EBF1: variants seen among roughly 807,000 people sequenced by gnomAD.
The protein encoded by EBF1 is EBF transcription factor 1, also known as transcription factor COE1.
EBF1 carries 10 observed loss-of-function variants against 68.4 expected under a neutral mutation model. The observed-to-expected ratio is 0.15, with a 90% confidence interval of 0.09 to 0.25. The LOEUF (loss-of-function observed/expected upper bound fraction) is 0.25, where lower values mean the gene tolerates loss of function less well. Ranked by LOEUF, EBF1 falls within the 10% of genes least tolerant of loss-of-function variation. The pLI, the probability that EBF1 is intolerant of heterozygous loss-of-function variation, is 1.00. For missense variants in EBF1, 509 were observed against 794.4 expected (o/e 0.64, Z 4.32); for synonymous variants, 298 against 299.8 (o/e 0.99, Z 0.06).
intron 8 of EBF1, among the ~76,000 whole-genome samples, chr5:158,809,696 C>A (rs995192186): frequency 5.3e-5 from 8 of 152,144 alleles, no homozygotes; most frequent in Admixed American, 1.3e-4. Flanking sequence ...GAAAATACTG[C>A]CAAACTTCCA....
At chr5:158,785,119 C>T (rs914050990) in intron 9 of EBF1, among the ~76,000 whole-genome samples, 2 of 152,060 alleles carry the variant, frequency 1.3e-5, no homozygotes, top group Non-Finnish European at 2.9e-5. Context: ...GCAGGGGGTA[C>T]TGAGTGATAG....
At chr5:159,063,362 G>A (rs951607856) in intron 6 of EBF1, among the ~76,000 whole-genome samples, 1 of 152,160 alleles carries the variant, frequency 6.6e-6, no homozygotes, top group Non-Finnish European at 1.5e-5. Flanking sequence ...GCCCAAGTTC[G>A]ATACCTCTGG....
chr5:158,852,197 G>T (rs182222714), intron 6 of EBF1, among the ~76,000 whole-genome samples: 1,844 of 151,736 alleles, frequency 0.012, 37 homozygotes, highest in African/African-American at 0.042. Flanking sequence ...TAGACAAAAG[G>T]GATCAGCTGA....
At chr5:158,854,738 G>T (rs1381318421) in intron 6 of EBF1, among the ~76,000 whole-genome samples, 3 of 152,150 alleles carry the variant, frequency 2.0e-5, no homozygotes, top group Admixed American at 6.5e-5. Context: ...CTGTATGAAA[G>T]AAGACGCCAT....
intron 6 of EBF1, among the ~76,000 whole-genome samples, chr5:158,843,497 G>A (rs376630045): frequency 3.9e-5 from 6 of 152,038 alleles, no homozygotes; most frequent in African/African-American, 1.5e-4. Flanking sequence ...ACCCTAAGCT[G>A]GCCTGTCACT....
intron 6 of EBF1, among the ~76,000 whole-genome samples, chr5:158,908,548 G>C (rs1805173072): frequency 6.6e-6 from 1 of 152,044 alleles, no homozygotes; most frequent in African/African-American, 2.4e-5. Context: ...ACCACTCTAG[G>C]TTTTAGAATA....
At chr5:158,944,530 C>A (rs1225822855) in intron 6 of EBF1, among the ~76,000 whole-genome samples, 3 of 152,140 alleles carry the variant, frequency 2.0e-5, no homozygotes, top group Non-Finnish European at 4.4e-5. Context: ...AATAAACATA[C>A]GTGTGCATGT....
intron 6 of EBF1, among the ~76,000 whole-genome samples, chr5:158,953,637 A>G (rs1031758295): frequency 1.2e-4 from 18 of 152,212 alleles, no homozygotes; most frequent in Non-Finnish European, 5.9e-5. Context: ...GTTTGGAAAG[A>G]TAAAATGGTG....
intron 6 of EBF1, among the ~76,000 whole-genome samples, chr5:158,928,462 AT>A (rs1315639103): frequency 1.3e-5 from 2 of 152,172 alleles, no homozygotes; most frequent in East Asian, 3.8e-4. Flanking sequence ...AAAAAAAATA[AT>A]TTTTTGGCAC....
chr5:158,722,956 T>G (rs551476389), intron 11 of EBF1, among the ~76,000 whole-genome samples: 7 of 152,296 alleles, frequency 4.6e-5, no homozygotes, highest in Non-Finnish European at 8.8e-5. Flanking sequence ...AATGAGTAAT[T>G]ATGTTCAATG....
chr5:158,787,642 G>A (rs1477618493), intron 9 of EBF1, among the ~76,000 whole-genome samples: 1 of 152,148 alleles, frequency 6.6e-6, no homozygotes, highest in Non-Finnish European at 1.5e-5. Context: ...ATAATCAGCT[G>A]TGGGACCTTT....
At chr5:158,895,633 T>G (rs1162503176) in intron 6 of EBF1, among the ~76,000 whole-genome samples, 1 of 152,106 alleles carries the variant, frequency 6.6e-6, no homozygotes, top group Non-Finnish European at 1.5e-5. Flanking sequence ...TGGGACACCA[T>G]CAATAAACCA....
chr5:159,090,933 A>G (rs1023401196), intron 4 of EBF1, among the ~76,000 whole-genome samples: 2 of 152,158 alleles, frequency 1.3e-5, no homozygotes, highest in Non-Finnish European at 2.9e-5. Context: ...GCTTCAAGGT[A>G]GGTGCTAACA....
In EBF1 at chr5:158,916,298, A is replaced by T. The variant is rs377721848; in HGVS notation, c.555-76188T>A. On this transcript the variant is annotated intron_variant, in intron 6 of 15. Transcript: ENST00000313708. ...TGATCTTTCAAGATTAATATTAGTC[A>T]TAAGAATGCAGCATTACAGAGGCAC... is the stretch of plus-strand genomic sequence containing the variant. Among the ~76,000 whole-genome samples, 23 of 152,316 alleles carry T rather than the reference A, an allele frequency of 1.5e-4. No individual in the cohort carries two copies. In the East Asian group the frequency reaches 2.3e-3, roughly 15 times the overall value.
intron 11 of EBF1, among the ~76,000 whole-genome samples, chr5:158,727,008 C>T (rs1249113357): frequency 6.6e-6 from 1 of 152,238 alleles, no homozygotes; most frequent in African/African-American, 2.4e-5. Context: ...ATCTCATTAA[C>T]ACCTGACAAC....
In EBF1 at chr5:158,833,032, T is replaced by G. The variant is rs140462216; in HGVS notation, c.636+6997A>C. ...CTTTGCTCAGAACCCTCTCTGGCTC[T>G]TCCCAGGATGGTTTATCCTTATTCT... On this transcript the variant is annotated intron_variant, in intron 7 of 15. Coordinates refer to ENST00000313708, the MANE Select transcript of EBF1 (RefSeq NM_024007.5). Among the ~76,000 whole-genome samples, 380 of 152,286 alleles carry G rather than the reference T, an allele frequency of 2.5e-3. 1 individual carries two copies. Among genetic ancestry groups the G allele is most frequent in the African/African-American group, 8.6e-3 (357 of 41,570 alleles).
intron 1 of EBF1, among the ~76,000 whole-genome samples, chr5:159,098,137 C>G (rs1186032865): frequency 1.3e-5 from 2 of 152,244 alleles, no homozygotes; most frequent in Non-Finnish European, 2.9e-5. Flanking sequence ...CTTCCGCACT[C>G]TGAGTCCGAT....
intron 11 of EBF1, among the ~76,000 whole-genome samples, chr5:158,725,761 G>C (rs540609194): frequency 9.2e-5 from 14 of 152,324 alleles, no homozygotes; most frequent in South Asian, 8.3e-4. Context: ...ACCCGGGTGA[G>C]AGATTCCGGT....
In EBF1 at chr5:158,698,496, G is replaced by T; in HGVS notation, c.*615C>A. On this transcript the variant is annotated 3_prime_UTR_variant, in exon 16 of 16. Coordinates refer to ENST00000313708, the MANE Select transcript of EBF1 (RefSeq NM_024007.5). ...CAATACAAAAGAGATAAATAAGCTT[G>T]CACTGCTAAGGGGTGGCATGTTAAG... 1 of 219,696 alleles carries T rather than the reference G, an allele frequency of 4.6e-6. No homozygotes were observed. 13.6% of individuals were successfully genotyped at this position (219,696 alleles called of 1,614,324 possible). A position where few individuals can be genotyped will look rare whatever the true frequency, so the allele number is the denominator to read the frequency against.
Sources: gnomAD v4.1 joint callset for allele counts (sites outside exome capture counted in the v4.1 genomes callset) on GRCh38, gnomAD v4.1.1 for gene constraint, MANE v1.5 for transcripts, NCBI Gene and HGNC (gene_info 2026-07-23, HGNC 2026-07-21) for gene names.